HOOK3: variants seen among roughly 807,000 people sequenced by gnomAD.
The protein encoded by HOOK3 is protein Hook homolog 3.
HOOK3 carries 24 observed loss-of-function variants against 116.3 expected under a neutral mutation model. The observed-to-expected ratio is 0.21, with a 90% CI of 0.15 to 0.29. HOOK3 has a LOEUF of 0.29. Among genes scored for constraint, HOOK3 ranks in the 10% least tolerant of loss-of-function variants. The pLI, the probability that HOOK3 is intolerant of heterozygous loss-of-function variation, is 1.00. For missense variants in HOOK3, 632 were observed against 830.2 expected (o/e 0.76, Z 2.93); for synonymous variants, 275 against 283.0 (o/e 0.97, Z 0.28).
intron 2 of HOOK3, among the ~76,000 whole-genome samples, chr8:42,908,571 T>G (rs1205452674): frequency 1.3e-5 from 2 of 152,220 alleles, no homozygotes; most frequent in Admixed American, 1.3e-4. Flanking sequence ...AGGACAAGTC[T>G]CTTCAGTAAA....
At position 43,022,165 on chromosome 8, in the gene HOOK3, A is replaced by G. The variant is rs1023018236; in HGVS notation, c.*3667A>G. On this transcript the variant is annotated 3_prime_UTR_variant, in exon 22 of 22. Transcript: ENST00000307602. Reference sequence around the variant, plus strand: ...AATAAAATTTAGCTCTAACGGTGGCAACTCCATGTCCGGTGTCCAGCTTTG... The same window carrying G: ...AATAAAATTTAGCTCTAACGGTGGCGACTCCATGTCCGGTGTCCAGCTTTG... 2 of 209,118 alleles carry G rather than the reference A, an allele frequency of 9.6e-6. No homozygotes were observed. Among genetic ancestry groups the G allele is most frequent in the Non-Finnish European group, 1.9e-5 (2 of 102,968 alleles). The allele number at this position is 209,118 out of a possible 1,614,324, so 13.0% of individuals were successfully genotyped here. A position where few individuals can be genotyped will look rare whatever the true frequency, so the allele number is the denominator to read the frequency against.
chr8:42,945,108 TA>T (rs1213127055), intron 5 of HOOK3, among the ~76,000 whole-genome samples: 1 of 152,120 alleles, frequency 6.6e-6, no homozygotes, highest in Non-Finnish European at 1.5e-5. Context: ...GTAGATCACT[TA>T]ACCTCTGTAT....
At chr8:42,957,556 A>T (rs1808458110) in intron 7 of HOOK3, among the ~76,000 whole-genome samples, 1 of 152,188 alleles carries the variant, frequency 6.6e-6, no homozygotes, top group Non-Finnish European at 1.5e-5. Flanking sequence ...TTGTAAAATG[A>T]AATATACAGT....
intron 6 of HOOK3, among the ~76,000 whole-genome samples, chr8:42,955,065 G>C (rs189251097): frequency 6.6e-6 from 1 of 152,150 alleles, no homozygotes; most frequent in Non-Finnish European, 1.5e-5. Flanking sequence ...TTGAGATTGG[G>C]AACTTTATTA....
At chr8:42,919,695 C>T (rs1252373942) in intron 2 of HOOK3, among the ~76,000 whole-genome samples, 2 of 152,212 alleles carry the variant, frequency 1.3e-5, no homozygotes, top group Non-Finnish European at 2.9e-5. Context: ...AATCCCGGCA[C>T]CTCGGGAGGC....
intron 13 of HOOK3, among the ~76,000 whole-genome samples, chr8:42,981,742 G>A (rs1049658548): frequency 2.6e-5 from 4 of 151,340 alleles, no homozygotes; most frequent in African/African-American, 9.7e-5. Flanking sequence ...AAATTAGCTG[G>A]GCGTGGTGGT....
intron 16 of HOOK3, chr8:43,000,221 G>A: frequency 8.2e-7 from 1 of 1,221,464 alleles, no homozygotes; most frequent in South Asian, 1.3e-5. Flanking sequence ...TGCTGTGTTT[G>A]CTTCATACTA....
In HOOK3 at chr8:43,025,670, G is replaced by C. The variant is rs1367863712; in HGVS notation, c.*7172G>C. ...ACTGTTTGGCTATTACTAAAGCTGA[G>C]AAAGTGATTTTAGGTCGCCAAGGAT... is the stretch of plus-strand genomic sequence containing the variant. On this transcript the variant is annotated 3_prime_UTR_variant, in exon 22 of 22. Transcript: ENST00000307602. 1 of 215,006 alleles carries C rather than the reference G, an allele frequency of 4.7e-6. No homozygotes were observed. The highest frequency in any genetic ancestry group is 9.4e-6 in the Non-Finnish European group (1 of 106,800). 13.3% of individuals were successfully genotyped at this position (215,006 alleles called of 1,614,324 possible).
intron 7 of HOOK3, among the ~76,000 whole-genome samples, chr8:42,958,528 G>A (rs747475224): frequency 7.5e-6 from 1 of 134,164 alleles, no homozygotes; most frequent in Non-Finnish European, 1.6e-5. Flanking sequence ...TAATATTTTT[G>A]TTTTCTTAAT....
chr8:42,964,956 A>G (rs867005541), intron 9 of HOOK3, among the ~76,000 whole-genome samples: 1 of 152,258 alleles, frequency 6.6e-6, no homozygotes, highest in Non-Finnish European at 1.5e-5. Flanking sequence ...GAAGTGTTCT[A>G]TCAGAGCGCC....
At chr8:42,986,079 G>T (rs561085996) in intron 14 of HOOK3, among the ~76,000 whole-genome samples, 2 of 152,272 alleles carry the variant, frequency 1.3e-5, no homozygotes, top group Admixed American at 6.5e-5. Context: ...TATTGTCCCT[G>T]CAGTAAATAT....
In HOOK3 at chr8:43,021,670, C is replaced by CTT. The variant is rs1165857231; in HGVS notation, c.*3185_*3186dup. The CTT allele has an allele frequency of 2.9e-4, 44 of 149,192 alleles. No individual in the cohort carries two copies. The highest frequency in any genetic ancestry group is 1.2e-3 in the East Asian group (9 of 7,408). The allele number at this position is 149,192 out of a possible 1,614,324, so 9.2% of individuals were successfully genotyped here. A position where few individuals can be genotyped will look rare whatever the true frequency, so the allele number is the denominator to read the frequency against. Reference sequence around the variant, plus strand: ...GATGTTTACATTTATAATTTTCTTTCTTTTTTTTTTTTTTGTGAGATGATG... The same window carrying CTT: ...GATGTTTACATTTATAATTTTCTTTCTTTTTTTTTTTTTTTTGTGAGATGATG... On this transcript the variant is annotated 3_prime_UTR_variant, in exon 22 of 22. Coordinates refer to ENST00000307602, the MANE Select transcript of HOOK3 (RefSeq NM_032410.4).
At chr8:42,968,556 C>T (rs1381085653) in intron 11 of HOOK3, among the ~76,000 whole-genome samples, 1 of 152,154 alleles carries the variant, frequency 6.6e-6, no homozygotes, top group African/African-American at 2.4e-5. Context: ...TCTTGTACTC[C>T]TGAGCTCAAG....
intron 21 of HOOK3, among the ~76,000 whole-genome samples, chr8:43,016,173 A>G (rs1009393977): frequency 6.7e-6 from 1 of 150,036 alleles, no homozygotes; most frequent in Non-Finnish European, 1.5e-5. Context: ...GCTGGAGTGC[A>G]GTGGCACGAT....
intron 4 of HOOK3, among the ~76,000 whole-genome samples, chr8:42,935,827 T>C (rs1325095023): frequency 6.6e-6 from 1 of 152,242 alleles, no homozygotes; most frequent in Non-Finnish European, 1.5e-5. Flanking sequence ...GGTATTGTGA[T>C]GCCTCCAACT....
At chr8:42,929,636 G>A (rs1217945555) in intron 3 of HOOK3, among the ~76,000 whole-genome samples, 2 of 151,504 alleles carry the variant, frequency 1.3e-5, no homozygotes, top group East Asian at 1.9e-4. Flanking sequence ...TTTTTTTTCT[G>A]GTAGGGGAAG....
chr8:42,997,414 G>A (rs1809299196), intron 15 of HOOK3, 136 bp from the exon 16 acceptor site: 1 of 595,324 alleles, frequency 1.7e-6, no homozygotes, highest in Non-Finnish European at 3.0e-6. Context: ...CATGACATTA[G>A]GCCACTACTA....
At chr8:42,917,500 A>T (rs1441199489) in intron 2 of HOOK3, among the ~76,000 whole-genome samples, 1 of 152,232 alleles carries the variant, frequency 6.6e-6, no homozygotes, top group Non-Finnish European at 1.5e-5. Flanking sequence ...TCGTTAGTAT[A>T]AACTCTGGTA....
At chr8:42,966,046 A>G (rs1156522877) in intron 9 of HOOK3, among the ~76,000 whole-genome samples, 1 of 152,230 alleles carries the variant, frequency 6.6e-6, no homozygotes, top group East Asian at 1.9e-4. Flanking sequence ...TAGAATCACA[A>G]AAATATAAAA....
Sources: gnomAD v4.1 joint callset for allele counts (sites outside exome capture counted in the v4.1 genomes callset) on GRCh38, gnomAD v4.1.1 for gene constraint, MANE v1.5 for transcripts, NCBI Gene and HGNC (gene_info 2026-07-23, HGNC 2026-07-21) for gene names.